Variants in HOXA3 observed in about 807,000 individuals in gnomAD.
HOXA3 encodes homeobox protein Hox-A3.
Under a neutral mutation model 30.3 loss-of-function variants are expected in HOXA3, and 8 were observed. The ratio of observed to expected loss-of-function variants is 0.26; its 90% CI spans 0.15 to 0.48. The LOEUF (loss-of-function observed/expected upper bound fraction) is 0.48, where lower values mean the gene tolerates loss of function less well. Ranked by LOEUF, HOXA3 falls within the 20% of genes least tolerant of loss-of-function variation. The probability of loss-of-function intolerance (pLI) is 0.99; values close to 1 mark genes in which losing one functional copy is unlikely to be tolerated. For missense variants in HOXA3, 653 were observed against 614.4 expected, an observed-to-expected ratio of 1.06 and a Z score of -0.66; for synonymous variants, 323 against 273.1, an observed-to-expected ratio of 1.18 and a Z score of -1.80.
rs765974142 is a variant in HOXA3 at position 27,129,536 on chromosome 7, A to G, written c.-389-2466T>C. 156 of 1,613,792 alleles carry G rather than the reference A, an allele frequency of 9.7e-5. No individual in the cohort carries two copies. Among genetic ancestry groups the G allele is most frequent in the Non-Finnish European group, 1.3e-4 (148 of 1,180,014 alleles). ...TGCTGCCGGGTGTAGGCGGTTCGAGAGCGCTTAGGCTCCCCTCCGTTATAA... is the reference window on the plus strand; with the variant it reads ...TGCTGCCGGGTGTAGGCGGTTCGAGGGCGCTTAGGCTCCCCTCCGTTATAA... On this transcript the variant is annotated intron_variant, in intron 2 of 5. Coordinates refer to ENST00000612286, the MANE Select transcript of HOXA3 (RefSeq NM_153631.3).
chr7:27,126,119 T>C (rs1785270134), intron 3 of HOXA3, among the ~76,000 whole-genome samples: 1 of 152,176 alleles, frequency 6.6e-6, no homozygotes, highest in African/African-American at 2.4e-5. Flanking sequence ...ACCGGGTATA[T>C]CATAGATTTC....
In HOXA3 at chr7:27,107,780, A is replaced by G; in HGVS notation, c.*135T>C. On this transcript the variant is annotated 3_prime_UTR_variant, in exon 6 of 6. Coordinates refer to ENST00000612286, the MANE Select transcript of HOXA3 (RefSeq NM_153631.3). The stretch of plus-strand genomic sequence containing the variant: ...AACGAGGGGGGAAACCGGGAAACGG[A>G]GTGCGGGGCGGAGAAGAGAGAAAAG... The G allele has an allele frequency of 1.7e-6, 1 of 580,688 alleles. No homozygotes were observed. The highest frequency in any genetic ancestry group is 2.8e-6 in the Non-Finnish European group (1 of 357,620). 36.0% of individuals were successfully genotyped at this position (580,688 alleles called of 1,614,324 possible).
Position 27,110,349 on chromosome 7 carries a change from C to A in HOXA3, c.292G>T (p.Ala98Ser). The A allele has an allele frequency of 6.7e-7, 1 of 1,497,354 alleles. No individual in the cohort carries two copies. The highest frequency in any genetic ancestry group is 1.3e-5 in the South Asian group (1 of 76,228). 92.8% of individuals were successfully genotyped at this position (1,497,354 alleles called of 1,614,324 possible). A position where few individuals can be genotyped will look rare whatever the true frequency, so the allele number is the denominator to read the frequency against. ...PPLHPPPPQA[A>S]PPAPQPPQPA... ...TGAGGCGGCTGTGGGGCAGGGGGCG[C>A]GGCCTGGGGCGGCGGCGGGTGCAGG... The change falls in exon 5 of 6, where the codon GCG becomes TCG. Residue 98 changes from alanine to serine, a missense_variant. Transcript: ENST00000612286.
intron 1 of HOXA3, chr7:27,143,490 T>G: frequency 6.2e-7 from 1 of 1,613,886 alleles, no homozygotes; most frequent in Non-Finnish European, 8.5e-7. Flanking sequence ...CCGGAGTGCA[T>G]GCTCGCCGAG....
chr7:27,139,340 C>CA lies in HOXA3; in HGVS notation c.-390+742dup, dbSNP rs1000494721. Among the ~76,000 whole-genome samples, 126 of 152,168 alleles carry CA rather than the reference C, an allele frequency of 8.3e-4. 2 individuals are homozygous for CA. The highest frequency in any genetic ancestry group is 7.9e-4 in the Admixed American group (12 of 15,282). ...GGGGAGGGGGTCCTGAACACCCCCCCACACCAGGGTGGGGATCCTTGGTCC... is the reference window on the plus strand; with the variant it reads ...GGGGAGGGGGTCCTGAACACCCCCCCAACACCAGGGTGGGGATCCTTGGTCC... On this transcript the variant is annotated intron_variant, in intron 2 of 5. Transcript: ENST00000612286.
chr7:27,123,767 C>T (rs1785151675), intron 3 of HOXA3: 1 of 152,354 alleles, frequency 6.6e-6, no homozygotes, highest in Non-Finnish European at 1.5e-5. Flanking sequence ...GCTTCGGAGC[C>T]CCCTAGCACG....
At chr7:27,140,873 T>G (rs1376067565) in intron 1 of HOXA3, among the ~76,000 whole-genome samples, 2 of 152,190 alleles carry the variant, frequency 1.3e-5, no homozygotes, top group Non-Finnish European at 2.9e-5. Flanking sequence ...TTTTTCCACC[T>G]TCTGCCCTGA....
chr7:27,118,566 C>A (rs74969035), intron 4 of HOXA3, among the ~76,000 whole-genome samples: 2 of 152,178 alleles, frequency 1.3e-5, no homozygotes, highest in Non-Finnish European at 2.9e-5. Context: ...ATGCTTGGAG[C>A]CATCCTCCCA....
chr7:27,148,554 T>A (rs947195285), intron 1 of HOXA3, among the ~76,000 whole-genome samples: 6 of 152,188 alleles, frequency 3.9e-5, no homozygotes, highest in African/African-American at 1.4e-4. Flanking sequence ...CCTGTTTGAG[T>A]CCCAAGGGGC....
intron 1 of HOXA3, among the ~76,000 whole-genome samples, chr7:27,148,372 T>C (rs1782859356): frequency 6.6e-6 from 1 of 152,252 alleles, no homozygotes; most frequent in African/African-American, 2.4e-5. Context: ...GCCTTCACTC[T>C]ATGCTCTTCA....
intron 4 of HOXA3, among the ~76,000 whole-genome samples, chr7:27,117,889 G>T (rs946238613): frequency 3.3e-5 from 5 of 152,126 alleles, no homozygotes; most frequent in African/African-American, 9.7e-5. Flanking sequence ...AGTGGACAAA[G>T]CCACCCTTGC....
In HOXA3 at chr7:27,107,588, G is replaced by A. The variant is rs1411901325; in HGVS notation, c.*327C>T. On this transcript the variant is annotated 3_prime_UTR_variant, in exon 6 of 6. Coordinates refer to ENST00000612286, the MANE Select transcript of HOXA3 (RefSeq NM_153631.3). ...AAGAACAAATTCACATTGAAAACTC[G>A]ACTAGAAAATTTGTTCATATACCCT... is the stretch of plus-strand genomic sequence containing the variant. 10 of 263,028 alleles carry A rather than the reference G, an allele frequency of 3.8e-5. No homozygotes were observed. The highest frequency in any genetic ancestry group is 5.7e-5 in the Non-Finnish European group (8 of 140,976). The allele number at this position is 263,028 out of a possible 1,614,324, so 16.3% of individuals were successfully genotyped here.
At position 27,113,441 on chromosome 7, in the gene HOXA3, A is replaced by C. The variant is rs1187770340; in HGVS notation, c.-120-2681T>G. The stretch of plus-strand genomic sequence containing the variant: ...TTAAGGCTGGGCTAGGGGAGAGGCA[A>C]GAGGTGGGGGCGGGGATGGGAAAGC... On this transcript the variant is annotated intron_variant, in intron 4 of 5. Transcript: ENST00000612286. The surrounding 1 kb of genome is among the most constrained non-coding windows in gnomAD (Gnocchi z 4.8). Among the ~76,000 whole-genome samples the C allele has an allele frequency of 6.6e-6, 1 of 151,910 alleles. No homozygotes were observed. Among genetic ancestry groups the C allele is most frequent in the African/African-American group, 2.4e-5 (1 of 41,364 alleles).
At chr7:27,149,757 C>A (rs1782905674) in intron 1 of HOXA3, among the ~76,000 whole-genome samples, 1 of 152,166 alleles carries the variant, frequency 6.6e-6, no homozygotes, top group Non-Finnish European at 1.5e-5. Context: ...TTAAAAGGGA[C>A]TTTTAAAAAT....
rs1417844658 is a variant in HOXA3 at position 27,113,613 on chromosome 7, G to C, written c.-120-2853C>G. 6.6e-6 allele frequency: 1 copy of C among 152,204 alleles called. No homozygotes were observed. The highest frequency in any genetic ancestry group is 1.5e-5 in the Non-Finnish European group (1 of 68,050). 9.4% of individuals were successfully genotyped at this position (152,204 alleles called of 1,614,324 possible). ...TTCAGCGCCGGGAGCGGCCGGTTGC[G>C]GCCCTGCTTACCTTAACTTCTGACG... On this transcript the variant is annotated intron_variant, in intron 4 of 5. Transcript: ENST00000612286. The surrounding 1 kb of genome is among the most constrained non-coding windows in gnomAD (Gnocchi z 4.8).
Position 27,107,123 on chromosome 7 carries a change from G to A in HOXA3, c.*792C>T, listed in dbSNP as rs1166114764. Reference sequence around the variant, plus strand: ...TCGCGTTTACAGATTTTTTTTTTCAGTTTTGCCGGATGTTACAAACCTAAA... The same window carrying A: ...TCGCGTTTACAGATTTTTTTTTTCAATTTTGCCGGATGTTACAAACCTAAA... On this transcript the variant is annotated 3_prime_UTR_variant, in exon 6 of 6. Transcript: ENST00000612286. 1 of 151,598 alleles carries A rather than the reference G, an allele frequency of 6.6e-6. No individual in the cohort carries two copies. Among genetic ancestry groups the A allele is most frequent in the South Asian group, 2.1e-4 (1 of 4,810 alleles). The allele number at this position is 151,598 out of a possible 1,614,324, so 9.4% of individuals were successfully genotyped here.
chr7:27,109,673 TG>T (rs1309461925), intron 5 of HOXA3, among the ~76,000 whole-genome samples: 2 of 152,236 alleles, frequency 1.3e-5, no homozygotes, highest in Admixed American at 1.3e-4. Flanking sequence ...AAATTGGCTC[TG>T]ATTATAGGCA....
At chr7:27,119,633 CT>C (rs1784908751) in intron 4 of HOXA3, 1 of 152,152 alleles carries the variant, frequency 6.6e-6, no homozygotes, top group African/African-American at 2.4e-5. Flanking sequence ...GAGAATGGGT[CT>C]TCAGCTGGCT....
intron 1 of HOXA3, chr7:27,141,635 CAA>C: frequency 1.8e-6 from 1 of 552,018 alleles, no homozygotes; most frequent in South Asian, 3.3e-5. Context: ...CCATTCAGGA[CAA>C]AGAGATGAAC....
Sources: allele counts gnomAD v4.1 joint callset (sites outside exome capture counted in the v4.1 genomes callset), GRCh38; gene constraint gnomAD v4.1.1; non-coding constraint Gnocchi (gnomAD v3.1); transcripts MANE v1.5; gene names NCBI Gene and HGNC (gene_info 2026-07-23, HGNC 2026-07-21).